Variants in MBIP observed in about 807,000 individuals in gnomAD.
MBIP encodes the protein MAP3K12 binding inhibitory protein 1, also known as MAP3K12-binding inhibitory protein 1.
A neutral mutation model predicts 45.7 loss-of-function variants in MBIP; 32 were observed. That is an observed-to-expected ratio of 0.70 (90% CI 0.53 to 0.94). The LOEUF (loss-of-function observed/expected upper bound fraction) is 0.94. Among genes scored for constraint, MBIP ranks in the 40% least tolerant of loss-of-function variants. MBIP has a pLI of 0.00. For missense variants in MBIP, 381 were observed against 405.5 expected, an observed-to-expected ratio of 0.94 and a Z score of 0.52; for synonymous variants, 145 against 141.0, an observed-to-expected ratio of 1.03 and a Z score of -0.20.
chr14:36,318,715 C>G (rs1880716170), intron 1 of MBIP, among the ~76,000 whole-genome samples: 1 of 151,988 alleles, frequency 6.6e-6, no homozygotes, highest in South Asian at 2.1e-4. Context: ...TTTTAACATT[C>G]AGTTTTATGT....
chr14:36,301,215 C>G (rs79447545), intron 7 of MBIP, among the ~76,000 whole-genome samples: 23 of 151,998 alleles, frequency 1.5e-4, no homozygotes, highest in Non-Finnish European at 2.8e-4. Flanking sequence ...AAAGGAAAAA[C>G]GGAATCTGGT....
At chr14:36,300,308 A>G (rs980835367) in intron 8 of MBIP, among the ~76,000 whole-genome samples, 1 of 152,190 alleles carries the variant, frequency 6.6e-6, no homozygotes, top group African/African-American at 2.4e-5. Context: ...TAAAAATCAG[A>G]AAGTTTTCTC....
intron 4 of MBIP, 24 bp downstream of exon 4, chr14:36,314,488 G>A (rs763502570): frequency 1.7e-5 from 26 of 1,491,950 alleles, no homozygotes; most frequent in Non-Finnish European, 2.4e-5. Context: ...AAAACCCTAT[G>A]AAAATTAATT....
In MBIP at chr14:36,314,686, C is replaced by T; in HGVS notation, c.474+5G>A. The T allele has an allele frequency of 6.2e-7, 1 of 1,612,202 alleles. No homozygotes were observed. The highest frequency in any genetic ancestry group is 8.5e-7 in the Non-Finnish European group (1 of 1,178,928). Reference sequence around the variant, plus strand: ...CCTCTCGCCCCCGCCAAAAAACCTTCTTACTTCTGCTTTTCCAGCCTTTAT... The same window carrying T: ...CCTCTCGCCCCCGCCAAAAAACCTTTTTACTTCTGCTTTTCCAGCCTTTAT... On this transcript the variant is annotated splice_donor_5th_base_variant and intron_variant, in intron 3 of 8. Coordinates refer to ENST00000416007, the MANE Select transcript of MBIP (RefSeq NM_016586.3).
intron 8 of MBIP, 133 bp from the exon 9 acceptor site, chr14:36,299,323 A>C: frequency 1.6e-6 from 1 of 624,228 alleles, no homozygotes; most frequent in Non-Finnish European, 2.8e-6. Context: ...TCATGAGAAT[A>C]ATCTTAAAAC....
At chr14:36,317,339 A>G (rs1880632960) in intron 1 of MBIP, among the ~76,000 whole-genome samples, 1 of 152,184 alleles carries the variant, frequency 6.6e-6, no homozygotes, top group Non-Finnish European at 1.5e-5. Context: ...CTTTTAACCG[A>G]TTTTTAAACT....
intron 6 of MBIP, among the ~76,000 whole-genome samples, chr14:36,308,803 T>A (rs933303259): frequency 3.9e-5 from 6 of 152,126 alleles, no homozygotes; most frequent in African/African-American, 1.4e-4. Context: ...CTTCCACCTC[T>A]CCCTGGATTA....
chr14:36,316,799 T>C lies in MBIP; in HGVS notation c.143A>G (p.Asp48Gly). Residue 48 changes from aspartate (D) to glycine (G), a missense_variant, in exon 2 of 9, where the codon GAT (aspartate) becomes GGT (glycine). Asp to Gly is a moderately conservative substitution (Grantham distance 94). Transcript: ENST00000416007. ...HTLVGQLDLR[D>G]DVVKITIDWN... is the part of the protein sequence containing the mutation. Reference sequence around the variant, plus strand: ...ATCGATTGTAATTTTCACCACATCATCTCTGAGGTCAAGCTTCAAAGGGGC... The same window carrying C: ...ATCGATTGTAATTTTCACCACATCACCTCTGAGGTCAAGCTTCAAAGGGGC... 1.9e-6 allele frequency: 3 copies of C among 1,609,772 alleles called. No homozygotes were observed. Among genetic ancestry groups the C allele is most frequent in the Non-Finnish European group, 2.5e-6 (3 of 1,178,392 alleles).
At chr14:36,306,916 T>C (rs926492086) in intron 7 of MBIP, among the ~76,000 whole-genome samples, 1 of 152,232 alleles carries the variant, frequency 6.6e-6, no homozygotes, top group African/African-American at 2.4e-5. Context: ...TTTCTAAAAT[T>C]AGACATCTTG....
chr14:36,316,959 CA>C, intron 1 of MBIP, 147 bp from the exon 2 acceptor site: 2 of 719,982 alleles, frequency 2.8e-6, no homozygotes, highest in Non-Finnish European at 4.3e-6. Flanking sequence ...ATGCTCTACC[CA>C]GTTACCATTT....
In MBIP at chr14:36,320,576, T is replaced by C. The variant is rs766938101; in HGVS notation, c.13A>G (p.Thr5Ala). MAAATELNRPSSGDR... is the reference protein window; with the variant it reads MAAAAELNRPSSGDR... ...CCGCTGCTCGGGCGATTAAGCTCCG[T>C]GGCAGCAGCCATGATATCTTCTCAG... The change falls in exon 1 of 9, where the codon ACG (threonine) becomes GCG (alanine). Residue 5 changes from threonine (T) to alanine (A), a missense_variant. Thr to Ala is a moderately conservative substitution (Grantham distance 58, BLOSUM62 0). Transcript: ENST00000416007. The C allele has an allele frequency of 1.2e-6, 2 of 1,610,062 alleles. No individual in the cohort carries two copies. The highest frequency in any genetic ancestry group is 1.7e-6 in the Non-Finnish European group (2 of 1,178,164).
chr14:36,300,853 G>C, intron 7 of MBIP, 30 bp from the exon 8 acceptor site: 1 of 1,327,592 alleles, frequency 7.5e-7, no homozygotes, highest in African/African-American at 1.5e-5. Context: ...GTAATGTTTA[G>C]AAAAATCTAA....
intron 7 of MBIP, among the ~76,000 whole-genome samples, chr14:36,303,611 T>G (rs766440436): frequency 1.3e-5 from 2 of 152,220 alleles, no homozygotes; most frequent in Non-Finnish European, 2.9e-5. Context: ...TATAATTTTA[T>G]GGGATCACTG....
intron 7 of MBIP, among the ~76,000 whole-genome samples, chr14:36,303,109 G>T (rs1879670758): frequency 2.0e-5 from 3 of 152,240 alleles, no homozygotes; most frequent in Admixed American, 2.0e-4. Flanking sequence ...GCTAGGCTAA[G>T]CTATGATGTT....
intron 7 of MBIP, among the ~76,000 whole-genome samples, chr14:36,305,779 T>C (rs1027465737): frequency 6.6e-6 from 1 of 152,200 alleles, no homozygotes; most frequent in African/African-American, 2.4e-5. Context: ...CTCTCTAGAT[T>C]TTCTTATTTC....
intron 1 of MBIP, among the ~76,000 whole-genome samples, chr14:36,320,251 G>A (rs1354539427): frequency 6.6e-6 from 1 of 152,150 alleles, no homozygotes; most frequent in African/African-American, 2.4e-5. Context: ...GGGGAGGACA[G>A]CTGCAAGGTA....
intron 6 of MBIP, 65 bp from the exon 7 acceptor site, chr14:36,308,254 CT>C: frequency 1.3e-6 from 1 of 788,522 alleles, no homozygotes. Context: ...AATTTTTATT[CT>C]TAAAATACCA....
At chr14:36,310,082 A>G (rs1880111574) in intron 6 of MBIP, among the ~76,000 whole-genome samples, 1 of 152,186 alleles carries the variant, frequency 6.6e-6, no homozygotes, top group South Asian at 2.1e-4. Context: ...CATTCAACAG[A>G]TATTTTTCCA....
intron 1 of MBIP, 31 bp downstream of exon 1, chr14:36,320,429 C>T (rs1880828248): frequency 3.1e-6 from 5 of 1,613,694 alleles, no homozygotes; most frequent in Non-Finnish European, 4.2e-6. Context: ...GGATGGTTTC[C>T]ATATTCCCAG....
Sources: gnomAD v4.1 joint callset for allele counts (sites outside exome capture counted in the v4.1 genomes callset) on GRCh38, gnomAD v4.1.1 for gene constraint, MANE v1.5 for transcripts, NCBI Gene and HGNC (gene_info 2026-07-23, HGNC 2026-07-21) for gene names.